The following TUBGCP2 variants were observed in gnomAD, a reference collection of about 807,000 sequenced individuals.
TUBGCP2 encodes the protein gamma-tubulin complex component 2.
In TUBGCP2, 55 loss-of-function variants were observed where a neutral mutation model predicts 92.2. The ratio of observed to expected loss-of-function variants is 0.60; its 90% CI spans 0.48 to 0.75. TUBGCP2 has a LOEUF of 0.75. Among genes scored for constraint, TUBGCP2 ranks in the 30% least tolerant of loss-of-function variants. The pLI, the probability that TUBGCP2 is intolerant of heterozygous loss-of-function variation, is 0.00. For synonymous variants in TUBGCP2, 533 were observed against 505.2 expected, an observed-to-expected ratio of 1.06 and a Z score of -0.74; for missense variants, 1,093 against 1,188.9, an observed-to-expected ratio of 0.92 and a Z score of 1.19.
rs752847706 is a variant in TUBGCP2, at chr10:133,298,127, T to A, written c.457-16A>T. On this transcript the variant is annotated splice_polypyrimidine_tract_variant and intron_variant, in intron 4 of 17. Transcript: ENST00000252936. ...GTTCCAGAGACTAGCAAGGACATTT[T>A]AAAAAACAAAACCAGAAAGATACAC... 1 of 1,608,872 alleles carries A rather than the reference T, an allele frequency of 6.2e-7. No homozygotes were observed. The highest frequency in any genetic ancestry group is 8.5e-7 in the Non-Finnish European group (1 of 1,176,936).
intron 2 of TUBGCP2, chr10:133,302,402 T>G (rs1434142440): frequency 1.1e-5 from 3 of 276,664 alleles, no homozygotes; most frequent in Admixed American, 9.6e-5. Flanking sequence ...CCCTGCACCC[T>G]GCACCAGAGG....
chr10:133,293,705 GC>G lies in TUBGCP2; in HGVS notation c.680del (p.Gly227AlafsTer47). ...GAGCACTGACGTACCTCCCGTCCAC[GC>G]CCACCAGCACGTACAGCAGGTCCTC... ...VVEDLLYVLV[G>X]VDGRYVSAQP... On this transcript the variant is annotated frameshift_variant, in exon 6 of 18. Coordinates refer to ENST00000252936, the MANE Select transcript of TUBGCP2 (RefSeq NM_006659.4). LOFTEE classifies it high-confidence loss of function. The G allele has an allele frequency of 6.2e-7, 1 of 1,605,322 alleles. No individual in the cohort carries two copies. Among genetic ancestry groups the G allele is most frequent in the Non-Finnish European group, 8.5e-7 (1 of 1,176,820 alleles).
Position 133,302,825 on chromosome 10 carries a change from G to A in TUBGCP2, c.117C>T (p.Tyr39=), listed in dbSNP as rs148960279. Reference sequence around the variant, plus strand: ...TGTGAGCAGAGACAGTGGTAGTGACGTACGGGGTCCTGTTCTTTTGAAGCA... The same window carrying A: ...TGTGAGCAGAGACAGTGGTAGTGACATACGGGGTCCTGTTCTTTTGAAGCA... ...IDLLQKNRTP[Y]VTTTVSAHSA... The change falls in exon 2 of 18, where the codon TAC becomes TAT. Residue 39 remains tyrosine (Y), a synonymous_variant. Coordinates refer to ENST00000252936, the MANE Select transcript of TUBGCP2 (RefSeq NM_006659.4). 45 of 1,613,250 alleles carry A rather than the reference G, an allele frequency of 2.8e-5. No homozygotes were observed. The highest frequency in any genetic ancestry group is 3.7e-4 in the Middle Eastern group (2 of 5,444).
intron 6 of TUBGCP2, 24 bp downstream of exon 6, chr10:133,293,538 C>T: frequency 6.5e-7 from 1 of 1,548,894 alleles, no homozygotes; most frequent in Middle Eastern, 1.7e-4. Context: ...GCGCAGGCTC[C>T]CAGGGACCGC....
In TUBGCP2 at chr10:133,288,233, G is replaced by A. The variant is rs200192740; in HGVS notation, c.1618C>T (p.Arg540Trp). Residue 540 changes from arginine to tryptophan, a missense_variant, in exon 11 of 18, where the codon CGG (arginine) becomes TGG (tryptophan). By Grantham distance (101) the Arg-to-Trp change is moderately radical. Around this residue, in one of 3 missense-constraint regions of TUBGCP2, gnomAD observed 598 missense variants for 675.5 expected, o/e 0.89. Coordinates refer to ENST00000252936, the MANE Select transcript of TUBGCP2 (RefSeq NM_006659.4). ...HFMDLAEEEL[R>W]KPVEDITPPR... ...GGCGTGATGTCCTCCACCGGCTTCC[G>A]GAGCTCCTCCTCCGCGAGGTCCATG... is the stretch of plus-strand genomic sequence containing the variant. 44 of 1,613,772 alleles carry A rather than the reference G, an allele frequency of 2.7e-5. No homozygotes were observed. In the East Asian group the frequency reaches 7.1e-4, roughly 26 times the overall value.
At chr10:133,291,286 C>CCT (rs1435663620) in intron 8 of TUBGCP2, among the ~76,000 whole-genome samples, 2 of 82,098 alleles carry the variant, frequency 2.4e-5, no homozygotes, top group Admixed American at 2.6e-4. Flanking sequence ...CCTCCGTGTC[C>CCT]CTGTGTCCCG....
upstream of TUBGCP2, chr10:133,310,299 G>A (rs754339669): frequency 1.4e-5 from 22 of 1,613,668 alleles, no homozygotes; most frequent in Non-Finnish European, 1.9e-5. Context: ...GTAGGGAGCC[G>A]CCAGGCTCAG....
chr10:133,291,997 ACGCACCCTCCG>A (rs1228378625), intron 8 of TUBGCP2, among the ~76,000 whole-genome samples: 1 of 15,806 alleles, frequency 6.3e-5, no homozygotes, highest in African/African-American at 2.1e-4. Context: ...AGAGGGCAGC[ACGCACCCTCCG>A]TGTCCCCCAT....
chr10:133,310,037 T>C (rs1417763537), upstream of TUBGCP2: 16 of 1,609,526 alleles, frequency 9.9e-6, no homozygotes, highest in African/African-American at 1.3e-5. Context: ...CTCAGAGTGC[T>C]GCCCCCAGCT....
At chr10:133,287,759 A>G (rs925928618) in intron 11 of TUBGCP2, among the ~76,000 whole-genome samples, 3 of 151,984 alleles carry the variant, frequency 2.0e-5, no homozygotes, top group Admixed American at 6.5e-5. Flanking sequence ...AAAACAAAAA[A>G]CAACGACAAC....
At position 133,293,191 on chromosome 10, in the gene TUBGCP2, G is replaced by A. The variant is rs1366340821; in HGVS notation, c.872C>T (p.Ala291Val). 1 of 1,613,868 alleles carries A rather than the reference G, an allele frequency of 6.2e-7. No homozygotes were observed. The highest frequency in any genetic ancestry group is 1.3e-5 in the African/African-American group (1 of 75,078). ...SSFEYGQVNH[A>V]LAAAMRTLVK... ...CAGGGTGCGCATGGCGGCCGCCAGGGCGTGGTTCACCTGCCCGTACTCGAA... is the reference window on the plus strand; with the variant it reads ...CAGGGTGCGCATGGCGGCCGCCAGGACGTGGTTCACCTGCCCGTACTCGAA... Residue 291 changes from alanine to valine, a missense_variant, in exon 7 of 18, where the codon GCC becomes GTC. By Grantham distance (64) the Ala-to-Val change is moderately conservative. Around this residue, in one of 3 missense-constraint regions of TUBGCP2, gnomAD observed 490 missense variants for 488.5 expected, o/e 1.00. Transcript: ENST00000252936.
At chr10:133,289,792 C>A in intron 9 of TUBGCP2, 32 bp downstream of exon 9, 2 of 1,392,560 alleles carry the variant, frequency 1.4e-6, no homozygotes, top group Non-Finnish European at 1.9e-6. Context: ...AGCTGTGCTG[C>A]GCACCCCAAG....
At chr10:133,293,317 CA>C (rs1847409447) in intron 6 of TUBGCP2, 79 bp from the exon 7 acceptor site, 1 of 1,523,544 alleles carries the variant, frequency 6.6e-7, no homozygotes, top group Middle Eastern at 1.8e-4. Context: ...AGTCTCATCC[CA>C]AACAGGAAGC....
Position 133,285,454 on chromosome 10 carries a change from A to C in TUBGCP2, c.1895+2T>G. 1 of 1,613,512 alleles carries C rather than the reference A, an allele frequency of 6.2e-7. No individual in the cohort carries two copies. The highest frequency in any genetic ancestry group is 8.5e-7 in the Non-Finnish European group (1 of 1,179,930). ...GCAGGTGCCCGAGCAGCCGACCCGC[A>C]CCTGTTGATGATGAGCGAAAGGGGC... On this transcript the variant is annotated splice_donor_variant, in intron 12 of 17. Transcript: ENST00000252936. LOFTEE classifies it high-confidence loss of function. The surrounding 1 kb of genome is among the most constrained non-coding windows in gnomAD (Gnocchi z 6.8).
Position 133,285,042 on chromosome 10 carries a change from G to T in TUBGCP2, c.2024+43C>A. The T allele has an allele frequency of 6.4e-7, 1 of 1,564,380 alleles. No homozygotes were observed. Among genetic ancestry groups the T allele is most frequent in the Admixed American group, 1.7e-5 (1 of 58,064 alleles). On this transcript the variant is annotated intron_variant, in intron 13 of 17. Coordinates refer to ENST00000252936, the MANE Select transcript of TUBGCP2 (RefSeq NM_006659.4). This position sits in a 1 kb window ranked among gnomAD's most constrained non-coding sequence, Gnocchi z 6.8. ...TGCACCACTGGGCAGAGTGCAGCGA[G>T]CGCTGCTTCAGGAGGGCATGCGGGG...
chr10:133,307,660 G>T (rs911113584), intron 1 of TUBGCP2, among the ~76,000 whole-genome samples: 2 of 152,180 alleles, frequency 1.3e-5, no homozygotes, highest in Non-Finnish European at 2.9e-5. Context: ...CACGAGAATC[G>T]CTTGAACCCA....
chr10:133,296,007 C>G (rs747688652), intron 5 of TUBGCP2: 1 of 152,480 alleles, frequency 6.6e-6, no homozygotes, highest in Non-Finnish European at 1.5e-5. Context: ...TGGTATGTGG[C>G]CGTGGGAGGG....
chr10:133,283,729 C>CGA (rs1847053690), intron 14 of TUBGCP2, among the ~76,000 whole-genome samples, 153 bp downstream of exon 14: 1 of 149,668 alleles, frequency 6.7e-6, no homozygotes, highest in Non-Finnish European at 1.5e-5. Flanking sequence ...CTCCCGCACT[C>CGA]CCTGCCTCTC....
upstream of TUBGCP2, chr10:133,311,691 G>A: frequency 1.2e-6 from 2 of 1,602,148 alleles, no homozygotes; most frequent in South Asian, 1.1e-5. Flanking sequence ...GTGCAGGGCA[G>A]TTACTCACTG....
Sources: gnomAD v4.1 joint callset for allele counts (sites outside exome capture counted in the v4.1 genomes callset) on GRCh38, gnomAD v4.1.1 for gene constraint, gnomAD v4.1.1 regional missense constraint, Gnocchi (gnomAD v3.1) non-coding constraint, MANE v1.5 for transcripts, NCBI Gene and HGNC (gene_info 2026-07-23, HGNC 2026-07-21) for gene names.